The following LMCD1 variants were observed in gnomAD, a reference collection of about 807,000 sequenced individuals.
LMCD1 encodes the protein LIM and cysteine rich domains 1, also known as LIM and cysteine-rich domains protein 1.
A neutral mutation model predicts 42.7 loss-of-function variants in LMCD1; 32 were observed. That is an observed-to-expected ratio of 0.75 (90% CI 0.57 to 1.01). LMCD1 has a LOEUF of 1.01. Among genes scored for constraint, LMCD1 ranks in the 50% least tolerant of loss-of-function variants. The pLI, the probability that LMCD1 is intolerant of heterozygous loss-of-function variation, is 0.00. For synonymous variants in LMCD1, 178 were observed against 184.9 expected, an observed-to-expected ratio of 0.96 and a Z score of 0.30; for missense variants, 458 against 483.1, an observed-to-expected ratio of 0.95 and a Z score of 0.49.
intron 3 of LMCD1, among the ~76,000 whole-genome samples, chr3:8,540,559 C>T (rs1012768970): frequency 2.0e-5 from 3 of 152,228 alleles, no homozygotes; most frequent in Non-Finnish European, 4.4e-5. Flanking sequence ...AAAGTTTGGG[C>T]TCTTCCCTAC....
intron 1 of LMCD1, among the ~76,000 whole-genome samples, chr3:8,520,201 A>G (rs1431913638): frequency 6.6e-6 from 1 of 152,122 alleles, no homozygotes; most frequent in Admixed American, 6.6e-5. Flanking sequence ...AGGACTGCAA[A>G]TTTGGAATTC....
rs760729093 is a variant in LMCD1 at position 8,567,708 on chromosome 3, A to T, written c.*110A>T. On this transcript the variant is annotated 3_prime_UTR_variant, in exon 6 of 6. Transcript: ENST00000157600. Reference sequence around the variant, plus strand: ...GTGACAGCAAGCAAGTGAAATAAACAATGATTTGCTTTTCAGTGAGAATAT... The same window carrying T: ...GTGACAGCAAGCAAGTGAAATAAACTATGATTTGCTTTTCAGTGAGAATAT... 7.7e-5 allele frequency: 82 copies of T among 1,063,774 alleles called. No individual in the cohort carries two copies. Among genetic ancestry groups the T allele is most frequent in the Non-Finnish European group, 1.1e-4 (78 of 732,486 alleles). 65.9% of individuals were successfully genotyped at this position (1,063,774 alleles called of 1,614,324 possible). A position where few individuals can be genotyped will look rare whatever the true frequency, so the allele number is the denominator to read the frequency against.
intron 1 of LMCD1, among the ~76,000 whole-genome samples, chr3:8,507,912 C>T (rs1360168014): frequency 2.0e-5 from 3 of 152,138 alleles, no homozygotes; most frequent in African/African-American, 7.2e-5. Context: ...CAATTTCTTC[C>T]AGCCCACTGA....
At chr3:8,514,988 G>A (rs1034836709) in intron 1 of LMCD1, 12 of 456,574 alleles carry the variant, frequency 2.6e-5, no homozygotes, top group Non-Finnish European at 4.4e-5. Context: ...GGTGCATTTC[G>A]ACCGCATGTA....
At chr3:8,512,454 TC>T (rs1487688072) in intron 1 of LMCD1, among the ~76,000 whole-genome samples, 6 of 152,202 alleles carry the variant, frequency 3.9e-5, no homozygotes, top group Non-Finnish European at 5.9e-5. Flanking sequence ...AAAAATAAAA[TC>T]CCAGATGATT....
intron 4 of LMCD1, among the ~76,000 whole-genome samples, chr3:8,552,490 G>C (rs1342642096): frequency 1.3e-5 from 2 of 152,150 alleles, no homozygotes; most frequent in African/African-American, 2.4e-5. Flanking sequence ...ACTCCAGAAG[G>C]CTGGGTCCCC....
At chr3:8,514,844 A>G (rs973355356) in intron 1 of LMCD1, 5 of 430,930 alleles carry the variant, frequency 1.2e-5, no homozygotes, top group African/African-American at 8.1e-5. Context: ...AACCACCTTT[A>G]TAAGAAGAGG....
In LMCD1 at chr3:8,569,819, A is replaced by C. The variant is rs1469319433; in HGVS notation, c.*2221A>C. Reference sequence around the variant, plus strand: ...GAGACCGGCCTGGGCAACATGGCAAAACTCCACCCCTACAAAAAATACAAA... The same window carrying C: ...GAGACCGGCCTGGGCAACATGGCAACACTCCACCCCTACAAAAAATACAAA... On this transcript the variant is annotated 3_prime_UTR_variant, in exon 6 of 6. Coordinates refer to ENST00000157600, the MANE Select transcript of LMCD1 (RefSeq NM_014583.4). 1 of 152,382 alleles carries C rather than the reference A, an allele frequency of 6.6e-6. No homozygotes were observed. Among genetic ancestry groups the C allele is most frequent in the Non-Finnish European group, 1.5e-5 (1 of 68,296 alleles). 9.4% of individuals were successfully genotyped at this position (152,382 alleles called of 1,614,324 possible). A position where few individuals can be genotyped will look rare whatever the true frequency, so the allele number is the denominator to read the frequency against.
At chr3:8,561,391 T>G (rs1031194835) in intron 4 of LMCD1, among the ~76,000 whole-genome samples, 3 of 152,122 alleles carry the variant, frequency 2.0e-5, no homozygotes, top group Non-Finnish European at 2.9e-5. Context: ...GTTTTTTTTT[T>G]TTTTTTTCCA....
Position 8,572,150 on chromosome 3 carries a change from T to G in LMCD1, c.*4552T>G, listed in dbSNP as rs1695229481. The G allele has an allele frequency of 6.6e-6, 1 of 152,258 alleles. No homozygotes were observed. Among genetic ancestry groups the G allele is most frequent in the Non-Finnish European group, 1.5e-5 (1 of 68,046 alleles). 9.4% of individuals were successfully genotyped at this position (152,258 alleles called of 1,614,324 possible). ...TCATGACCTTGACATCTTAGAAGAT[T>G]AAAGGTTATTTAAAGTTGTTGAGTT... On this transcript the variant is annotated 3_prime_UTR_variant, in exon 6 of 6. Coordinates refer to ENST00000157600, the MANE Select transcript of LMCD1 (RefSeq NM_014583.4).
At chr3:8,521,364 AC>A (rs1694200023) in intron 1 of LMCD1, among the ~76,000 whole-genome samples, 1 of 152,174 alleles carries the variant, frequency 6.6e-6, no homozygotes, top group African/African-American at 2.4e-5. Flanking sequence ...AGAATTTGGA[AC>A]TTTTTGCCTC....
chr3:8,521,769 A>C (rs1493586), intron 1 of LMCD1, among the ~76,000 whole-genome samples: 58,232 of 151,966 alleles, frequency 0.38, 12,200 homozygotes, highest in Non-Finnish European at 0.49. Flanking sequence ...ATGCCAAGTG[A>C]TACTGTGATG....
chr3:8,539,154 A>G (rs918262990), intron 3 of LMCD1, among the ~76,000 whole-genome samples: 14 of 152,218 alleles, frequency 9.2e-5, no homozygotes, highest in African/African-American at 3.1e-4. Context: ...ATAAGTAAAA[A>G]ACAAACAAAC....
At chr3:8,554,648 C>T (rs1694899072) in intron 4 of LMCD1, among the ~76,000 whole-genome samples, 2 of 152,176 alleles carry the variant, frequency 1.3e-5, no homozygotes, top group Admixed American at 1.3e-4. Context: ...CCCTCGCGCA[C>T]TCTCCAAGCC....
intron 3 of LMCD1, among the ~76,000 whole-genome samples, chr3:8,545,729 A>G (rs1265083592): frequency 1.3e-5 from 2 of 152,176 alleles, no homozygotes; most frequent in East Asian, 3.9e-4. Flanking sequence ...GCATGTTAGT[A>G]ATTTTTCGCA....
At chr3:8,556,712 T>C (rs1167375624) in intron 4 of LMCD1, among the ~76,000 whole-genome samples, 1 of 152,208 alleles carries the variant, frequency 6.6e-6, no homozygotes, top group Non-Finnish European at 1.5e-5. Context: ...AGCAGCATCC[T>C]TTTGCAAGGA....
At chr3:8,561,950 C>CT (rs1232758164) in intron 4 of LMCD1, among the ~76,000 whole-genome samples, 3 of 152,060 alleles carry the variant, frequency 2.0e-5, no homozygotes, top group Non-Finnish European at 2.9e-5. Flanking sequence ...AGTTCCCATT[C>CT]TTTAGAGGAT....
At chr3:8,530,987 G>A (rs1194358500) in intron 1 of LMCD1, among the ~76,000 whole-genome samples, 1 of 152,208 alleles carries the variant, frequency 6.6e-6, no homozygotes, top group Admixed American at 6.5e-5. Flanking sequence ...TGAACAAAAT[G>A]ACAAAGTGTG....
intron 1 of LMCD1, among the ~76,000 whole-genome samples, chr3:8,525,914 C>T (rs1291459242): frequency 6.6e-6 from 1 of 152,174 alleles, no homozygotes; most frequent in Non-Finnish European, 1.5e-5. Flanking sequence ...ATTAAAAGAT[C>T]CCCAGGAGAG....
Sources: gnomAD v4.1 joint callset for allele counts (sites outside exome capture counted in the v4.1 genomes callset) on GRCh38, gnomAD v4.1.1 for gene constraint, MANE v1.5 for transcripts, NCBI Gene and HGNC (gene_info 2026-07-23, HGNC 2026-07-21) for gene names.